PREX2: variants seen among roughly 807,000 people sequenced by gnomAD.
PREX2 encodes the protein phosphatidylinositol-3,4,5-trisphosphate dependent Rac exchange factor 2, also known as phosphatidylinositol 3,4,5-trisphosphate-dependent Rac exchanger 2 protein.
Under a neutral mutation model 203.2 loss-of-function variants are expected in PREX2, and 107 were observed. The observed-to-expected ratio is 0.53, with a 90% CI of 0.45 to 0.62. The LOEUF is 0.62. PREX2 is among the 20% of genes least tolerant of loss of function. The pLI, the probability that PREX2 is intolerant of heterozygous loss-of-function variation, is 0.00. For missense variants in PREX2, 1,777 were observed against 1,955.9 expected, an observed-to-expected ratio of 0.91 and a Z score of 1.72; for synonymous variants, 672 against 663.6, an observed-to-expected ratio of 1.01 and a Z score of -0.19.
At chr8:68,007,755 G>T (rs1024420402) in intron 1 of PREX2, among the ~76,000 whole-genome samples, 2 of 152,182 alleles carry the variant, frequency 1.3e-5, no homozygotes, top group East Asian at 1.9e-4. Context: ...GACTACAGGT[G>T]CCCGCCACCA....
intron 26 of PREX2, among the ~76,000 whole-genome samples, chr8:68,116,259 A>C (rs980418348): frequency 6.6e-6 from 1 of 152,352 alleles, no homozygotes; most frequent in Non-Finnish European, 1.5e-5. Context: ...ATTGTTTTCA[A>C]CTATCTGTTT....
chr8:67,965,774 G>C (rs1388899376), intron 1 of PREX2, among the ~76,000 whole-genome samples: 2 of 152,088 alleles, frequency 1.3e-5, no homozygotes, highest in Non-Finnish European at 1.5e-5. Context: ...TTGGTAAATG[G>C]GTCATGTTAC....
intron 25 of PREX2, among the ~76,000 whole-genome samples, chr8:68,111,774 C>G (rs1810540240): frequency 1.3e-5 from 2 of 152,148 alleles, no homozygotes; most frequent in African/African-American, 4.8e-5. Flanking sequence ...CTGGATTCCC[C>G]CTTGCCTTTA....
In PREX2 at chr8:68,188,055, C is replaced by T. The variant is rs1812224947; in HGVS notation, c.4347-3667C>T. Among the ~76,000 whole-genome samples, 4 of 152,200 alleles carry T rather than the reference C, an allele frequency of 2.6e-5. No individual in the cohort carries two copies. The South Asian group carries it at 8.3e-4, about 31-fold the overall frequency. ...GAAAGTATGAAAAATCTGCTGATCA[C>T]TGTTGCTTGAGACTAGCTTTTGTGA... On this transcript the variant is annotated intron_variant, in intron 35 of 39. Coordinates refer to ENST00000288368, the MANE Select transcript of PREX2 (RefSeq NM_024870.4).
intron 1 of PREX2, among the ~76,000 whole-genome samples, chr8:67,999,963 G>A (rs1334943717): frequency 1.3e-5 from 2 of 152,220 alleles, no homozygotes; most frequent in Admixed American, 1.3e-4. Flanking sequence ...GAAGGAACAT[G>A]CCTCAAAATA....
At chr8:68,154,552 C>G (rs1811503205) in intron 34 of PREX2, among the ~76,000 whole-genome samples, 1 of 152,142 alleles carries the variant, frequency 6.6e-6, no homozygotes, top group Non-Finnish European at 1.5e-5. Context: ...GGGATATTTA[C>G]CTTTCCTAAA....
At chr8:68,140,678 ATTC>A (rs1317478495) in intron 33 of PREX2, among the ~76,000 whole-genome samples, 2 of 150,912 alleles carry the variant, frequency 1.3e-5, no homozygotes, top group African/African-American at 5.0e-5. Flanking sequence ...TCTTGGCTTC[ATTC>A]TTATCTTTAA....
chr8:68,158,785 C>G (rs760731735), intron 35 of PREX2, among the ~76,000 whole-genome samples: 27 of 152,096 alleles, frequency 1.8e-4, no homozygotes, highest in Admixed American at 1.8e-3. Flanking sequence ...AAGTTATTTT[C>G]TTCTCTCATT....
At chr8:68,155,572 G>A (rs949641354) in intron 34 of PREX2, among the ~76,000 whole-genome samples, 10 of 152,088 alleles carry the variant, frequency 6.6e-5, no homozygotes, top group Admixed American at 1.3e-4. Flanking sequence ...AAGAAATCTC[G>A]TGATTTAGTT....
intron 18 of PREX2, 40 bp from the exon 19 acceptor site, chr8:68,087,684 T>A: frequency 7.1e-7 from 1 of 1,416,114 alleles, no homozygotes; most frequent in East Asian, 2.3e-5. Flanking sequence ...CCAGTTTTGA[T>A]TCTTACGCTT....
At chr8:68,160,195 C>T (rs938656051) in intron 35 of PREX2, among the ~76,000 whole-genome samples, 1 of 152,052 alleles carries the variant, frequency 6.6e-6, no homozygotes, top group Admixed American at 6.6e-5. Context: ...AATCAGAAAC[C>T]TATATTCACA....
chr8:68,047,906 A>C (rs1209807972), intron 8 of PREX2, among the ~76,000 whole-genome samples: 1 of 151,966 alleles, frequency 6.6e-6, no homozygotes, highest in African/African-American at 2.4e-5. Context: ...AACATCTTAA[A>C]TCTTTTGATA....
chr8:68,046,551 G>A (rs960782326), intron 8 of PREX2, among the ~76,000 whole-genome samples: 1 of 152,102 alleles, frequency 6.6e-6, no homozygotes, highest in African/African-American at 2.4e-5. Context: ...GTGGAAGGCA[G>A]GGCCTAAGAC....
At chr8:68,056,175 C>G (rs6472373) in intron 10 of PREX2, among the ~76,000 whole-genome samples, 1 of 152,018 alleles carries the variant, frequency 6.6e-6, no homozygotes, top group Non-Finnish European at 1.5e-5. Flanking sequence ...TTAAGGCATC[C>G]GTCCATTCAT....
chr8:68,134,953 A>G (rs995893839), intron 32 of PREX2, among the ~76,000 whole-genome samples: 1 of 152,328 alleles, frequency 6.6e-6, no homozygotes, highest in Admixed American at 6.5e-5. Flanking sequence ...ATCATGTTTA[A>G]AAGCAAATGT....
intron 8 of PREX2, among the ~76,000 whole-genome samples, chr8:68,047,551 C>A (rs1585735918): frequency 4.3e-5 from 6 of 138,048 alleles, no homozygotes; most frequent in Admixed American, 3.0e-4. Context: ...ATGCTTAGAA[C>A]TTTTTCCTTT....
At chr8:67,952,694 G>A in intron 1 of PREX2, 159 bp downstream of exon 1, 1 of 1,021,336 alleles carries the variant, frequency 9.8e-7, no homozygotes, top group Non-Finnish European at 1.5e-6. Flanking sequence ...TGCGTTCGCG[G>A]GCGCGGTGAC....
chr8:68,135,099 TTGTGTG>T (rs9298129), intron 32 of PREX2, among the ~76,000 whole-genome samples: 13 of 148,896 alleles, frequency 8.7e-5, no homozygotes, highest in African/African-American at 2.7e-4. Context: ...AAAACAAATT[TTGTGTG>T]TGTGTGTGTG....
intron 12 of PREX2, among the ~76,000 whole-genome samples, chr8:68,069,492 T>C (rs891758388): frequency 6.7e-6 from 1 of 149,780 alleles, no homozygotes; most frequent in Non-Finnish European, 1.5e-5. Flanking sequence ...CAATACTTTG[T>C]TGATATATGA....
Sources: allele counts gnomAD v4.1 joint callset (sites outside exome capture counted in the v4.1 genomes callset), GRCh38; gene constraint gnomAD v4.1.1; transcripts MANE v1.5; gene names NCBI Gene and HGNC (gene_info 2026-07-23, HGNC 2026-07-21).